The following POLR1D variants were observed in gnomAD, a reference collection of about 807,000 sequenced individuals.
The protein encoded by POLR1D is RNA polymerase I and III subunit D.
In POLR1D, 8 loss-of-function variants were observed where a neutral mutation model predicts 10.8. The ratio of observed to expected loss-of-function variants is 0.74; its 90% CI spans 0.43 to 1.33. POLR1D has a LOEUF of 1.33. Ranked by LOEUF, POLR1D falls within the 40% of genes most tolerant of loss-of-function variation. The probability of loss-of-function intolerance (pLI) is 0.01; values close to 1 mark genes in which losing one functional copy is unlikely to be tolerated. For missense variants in POLR1D, 152 were observed against 161.7 expected (o/e 0.94, Z 0.32); for synonymous variants, 54 against 57.2 (o/e 0.94, Z 0.25).
In POLR1D at chr13:27,665,910, G is replaced by A. The variant is rs202004435; in HGVS notation, c.326G>A (p.Arg109Gln). ...GCCAGTTACTCCCCGCCACGAAAGC[G>A]GAGCAGCCAGGACAAGTACGAAAAG... Residue 109 changes from arginine (R) to glutamine (Q), a missense_variant, in exon 3 of 3, where the codon CGG (arginine) becomes CAG (glutamine). By Grantham distance (43) the Arg-to-Gln change is conservative. Coordinates refer to the POLR1D transcript ENST00000399697. 9.3e-6 allele frequency: 15 copies of A among 1,614,202 alleles called. No homozygotes were observed. The African/African-American group carries it at 1.6e-4, about 17-fold the overall frequency.
intron 1 of POLR1D, among the ~76,000 whole-genome samples, chr13:27,632,641 A>ACCACCCCCCCCC (rs1956085800): frequency 6.9e-6 from 1 of 145,156 alleles, no homozygotes; most frequent in Non-Finnish European, 1.5e-5. Flanking sequence ...AAATTGCAGC[A>ACCACCCCCCCCC]CCCCCCGCCC....
chr13:27,622,080 C>G lies in POLR1D; in HGVS notation c.26+71C>G, dbSNP rs1955940659. On this transcript the variant is annotated intron_variant, in intron 1 of 1. Coordinates refer to ENST00000302979, the MANE Select transcript of POLR1D (RefSeq NM_015972.4). Reference sequence around the variant, plus strand: ...GAGCGGGTGGCCGAGGGGCACGCTGCCTGGCCTGGCAGCCGGGGCCTGACT... The same window carrying G: ...GAGCGGGTGGCCGAGGGGCACGCTGGCTGGCCTGGCAGCCGGGGCCTGACT... 2.2e-6 allele frequency: 3 copies of G among 1,352,726 alleles called. No homozygotes were observed. The South Asian group carries it at 3.7e-5, about 17-fold the overall frequency. 83.8% of individuals were successfully genotyped at this position (1,352,726 alleles called of 1,614,324 possible).
At chr13:27,637,628 A>G (rs931009419) in intron 1 of POLR1D, among the ~76,000 whole-genome samples, 5 of 152,286 alleles carry the variant, frequency 3.3e-5, no homozygotes, top group African/African-American at 9.6e-5. Context: ...TTCCCAAAAC[A>G]CTTGTATATA....
intron 1 of POLR1D, among the ~76,000 whole-genome samples, chr13:27,641,417 T>A (rs1956172315): frequency 6.6e-6 from 1 of 152,194 alleles, no homozygotes. Context: ...AATTAGGGAC[T>A]TTATTAAAAT....
chr13:27,621,952 C>G lies in POLR1D; in HGVS notation c.-32C>G, dbSNP rs1187171644. 6.3e-7 allele frequency: 1 copy of G among 1,583,968 alleles called. No homozygotes were observed. Among genetic ancestry groups the G allele is most frequent in the African/African-American group, 1.3e-5 (1 of 74,672 alleles). Reference sequence around the variant, plus strand: ...TGGGACAGAGCCCCCGATCCGCCAGCACCACCTGAGGATCCAGAAACCGCC... The same window carrying G: ...TGGGACAGAGCCCCCGATCCGCCAGGACCACCTGAGGATCCAGAAACCGCC... On this transcript the variant is annotated 5_prime_UTR_variant, in exon 1 of 2. Coordinates refer to ENST00000302979, the MANE Select transcript of POLR1D (RefSeq NM_015972.4).
At chr13:27,633,651 G>T (rs73434751) in intron 1 of POLR1D, among the ~76,000 whole-genome samples, 2,673 of 152,258 alleles carry the variant, frequency 0.018, 86 homozygotes, top group African/African-American at 0.061. Flanking sequence ...ACAGACTCTT[G>T]CACTTTTCCC....
chr13:27,622,406 A>C, intron 1 of POLR1D: 3 of 299,882 alleles, frequency 1.0e-5, no homozygotes, highest in South Asian at 4.8e-5. Flanking sequence ...CTGCTGCTTG[A>C]CTCCTGAACC....
intron 1 of POLR1D, among the ~76,000 whole-genome samples, chr13:27,630,968 G>T (rs1007747991): frequency 1.3e-5 from 2 of 152,096 alleles, no homozygotes; most frequent in African/African-American, 4.8e-5. Context: ...GCCATTTCAG[G>T]GCCTTGGCAC....
rs1956316454 is a variant in POLR1D at position 27,657,241 on chromosome 13, G to T, written c.102-8445G>T. 2.0e-5 allele frequency among the ~76,000 whole-genome samples: 3 copies of T among 152,018 alleles called. No homozygotes were observed. In the South Asian group the frequency reaches 6.2e-4, roughly 31 times the overall value. On this transcript the variant is annotated intron_variant, in intron 2 of 2. Transcript: ENST00000399697. ...ATCTGGAGAGGTTTTTAAAAATACA[G>T]ATCTCCAGCCAGGCGCTGTGGCTCA...
downstream of POLR1D, among the ~76,000 whole-genome samples, chr13:27,624,344 C>A (rs1955986405): frequency 6.6e-6 from 1 of 152,130 alleles, no homozygotes; most frequent in African/African-American, 2.4e-5. Context: ...CCTGGAACAC[C>A]TGACAGGTAG....
chr13:27,661,076 G>A (rs1420610353), intron 2 of POLR1D, among the ~76,000 whole-genome samples: 2 of 152,194 alleles, frequency 1.3e-5, no homozygotes, highest in Non-Finnish European at 2.9e-5. Context: ...CAAAAAAGAT[G>A]AAAAGCTTAT....
chr13:27,649,060 A>G (rs1808848121), intron 2 of POLR1D, among the ~76,000 whole-genome samples: 2 of 152,128 alleles, frequency 1.3e-5, no homozygotes, highest in South Asian at 4.2e-4. Context: ...CTTCATCTCT[A>G]CAAAACAAAC....
At chr13:27,622,746 G>C in intron 1 of POLR1D, 129 bp from the exon 2 acceptor site, 1 of 652,150 alleles carries the variant, frequency 1.5e-6, no homozygotes. Flanking sequence ...GAAAATGAGA[G>C]GCGAATAATT....
At chr13:27,627,642 T>A (rs528752610), downstream of POLR1D, among the ~76,000 whole-genome samples, 17 of 152,086 alleles carry the variant, frequency 1.1e-4, no homozygotes, top group East Asian at 3.3e-3. Flanking sequence ...CGGCTTATGA[T>A]TAATAACAGG....
intron 1 of POLR1D, among the ~76,000 whole-genome samples, chr13:27,645,775 C>A (rs1467752157): frequency 6.6e-6 from 1 of 152,178 alleles, no homozygotes; most frequent in Non-Finnish European, 1.5e-5. Context: ...ATTTGTTTCA[C>A]CGCAGGCAGT....
intron 2 of POLR1D, among the ~76,000 whole-genome samples, chr13:27,655,879 CAAAA>C (rs1299179954): frequency 2.0e-5 from 3 of 150,982 alleles, no homozygotes; most frequent in Non-Finnish European, 4.4e-5. Flanking sequence ...GGAAAGAAAA[CAAAA>C]AAAAGAATGG....
rs1236532079 is a variant in POLR1D at position 27,648,317 on chromosome 13, G to C, written c.27-62G>C. On this transcript the variant is annotated intron_variant, in intron 1 of 2. Transcript: ENST00000399697. ...TTTCCCAAGATCATGGACCTGGAATGAATTGATTTTCAGAACTTAGTAGGG... is the reference window on the plus strand; with the variant it reads ...TTTCCCAAGATCATGGACCTGGAATCAATTGATTTTCAGAACTTAGTAGGG... The C allele has an allele frequency of 9.2e-5, 100 of 1,086,518 alleles. No homozygotes were observed. The East Asian group carries it at 2.5e-3, about 27-fold the overall frequency. 67.3% of individuals were successfully genotyped at this position (1,086,518 alleles called of 1,614,324 possible).
At chr13:27,646,648 T>G (rs1956223197) in intron 1 of POLR1D, among the ~76,000 whole-genome samples, 1 of 152,196 alleles carries the variant, frequency 6.6e-6, no homozygotes, top group Non-Finnish European at 1.5e-5. Flanking sequence ...AAGATCTCAA[T>G]AAGAGTTTAT....
chr13:27,649,814 C>T (rs1381701483), intron 2 of POLR1D, among the ~76,000 whole-genome samples: 1 of 152,200 alleles, frequency 6.6e-6, no homozygotes, highest in Non-Finnish European at 1.5e-5. Flanking sequence ...TACCATTTCT[C>T]ACTGAAAGGA....
Sources: allele counts gnomAD v4.1 joint callset (sites outside exome capture counted in the v4.1 genomes callset), GRCh38; gene constraint gnomAD v4.1.1; transcripts MANE v1.5; gene names NCBI Gene and HGNC (gene_info 2026-07-23, HGNC 2026-07-21).